Variants in SMG6 observed in about 807,000 individuals in gnomAD.
SMG6 encodes the protein telomerase-binding protein EST1A.
SMG6 carries 66 observed loss-of-function variants against 142.2 expected under a neutral mutation model. The observed-to-expected ratio is 0.46, with a 90% CI of 0.38 to 0.57. SMG6 has a LOEUF of 0.57. SMG6 is among the 20% of genes least tolerant of loss of function. The probability of loss-of-function intolerance (pLI) is 0.00; values close to 1 mark genes in which losing one functional copy is unlikely to be tolerated. For missense variants in SMG6, 1,793 were observed against 1,832.0 expected (o/e 0.98, Z 0.39); for synonymous variants, 779 against 702.4 (o/e 1.11, Z -1.72).
intron 8 of SMG6, among the ~76,000 whole-genome samples, chr17:2,269,830 A>G (rs1255602124): frequency 6.6e-6 from 1 of 152,202 alleles, no homozygotes; most frequent in Non-Finnish European, 1.5e-5. Context: ...CAGCCAGGTT[A>G]CAGAACATGC....
At chr17:2,216,085 C>A (rs968971355) in intron 10 of SMG6, 3 of 152,326 alleles carry the variant, frequency 2.0e-5, no homozygotes, top group Admixed American at 6.5e-5. Flanking sequence ...GCTACACTTT[C>A]TTTTAAAGAA....
chr17:2,114,906 AAAAATAAAATAAAATAAAAT>A (rs71375589), intron 13 of SMG6, among the ~76,000 whole-genome samples: 2 of 61,994 alleles, frequency 3.2e-5, no homozygotes, highest in African/African-American at 9.7e-5. Flanking sequence ...CAGCCTGGGC[AAAAATAAAATAAAATAAAAT>A]AAAATAAAAT....
chr17:2,213,666 A>T (rs1217527490), intron 10 of SMG6: 1 of 152,242 alleles, frequency 6.6e-6, no homozygotes, highest in Non-Finnish European at 1.5e-5. Flanking sequence ...GTTCTTGGAA[A>T]ACAAGGTTTC....
chr17:2,091,591 T>C (rs2068715925), intron 13 of SMG6, among the ~76,000 whole-genome samples: 1 of 150,684 alleles, frequency 6.6e-6, no homozygotes, highest in East Asian at 2.0e-4. Context: ...CAAACAGTAT[T>C]TCACTCTTTC....
intron 13 of SMG6, chr17:2,127,537 G>A: frequency 3.2e-6 from 2 of 620,228 alleles, no homozygotes; most frequent in Non-Finnish European, 3.1e-6. Flanking sequence ...TTTGGGGCCA[G>A]CATCCTCAGT....
At chr17:2,091,156 A>C (rs557294580) in intron 13 of SMG6, among the ~76,000 whole-genome samples, 1 of 152,364 alleles carries the variant, frequency 6.6e-6, no homozygotes, top group East Asian at 1.9e-4. Flanking sequence ...GTAGCAGCCA[A>C]GGGTGGGCCA....
At chr17:2,255,382 C>T (rs1241402796) in intron 8 of SMG6, among the ~76,000 whole-genome samples, 7 of 110,478 alleles carry the variant, frequency 6.3e-5, no homozygotes, top group Admixed American at 1.5e-4. Context: ...CCAGCCTGGG[C>T]GACAGAGCGA....
chr17:2,075,257 T>TA (rs1567576019), intron 15 of SMG6, among the ~76,000 whole-genome samples: 1 of 118,242 alleles, frequency 8.5e-6, no homozygotes, highest in African/African-American at 3.3e-5. Context: ...CAGCTAAATT[T>TA]AGAGTGGAAC....
At chr17:2,280,949 G>A (rs905601731) in intron 8 of SMG6, among the ~76,000 whole-genome samples, 47 of 152,278 alleles carry the variant, frequency 3.1e-4, no homozygotes, top group African/African-American at 1.1e-3. Context: ...GCATGTGCCT[G>A]TAGTCCTAGC....
At chr17:2,158,900 TAA>T (rs58337632) in intron 13 of SMG6, among the ~76,000 whole-genome samples, 11 of 127,254 alleles carry the variant, frequency 8.6e-5, no homozygotes, top group East Asian at 2.2e-4. Context: ...AGACTATGTT[TAA>T]AAAAAAAAAA....
At chr17:2,277,023 C>T (rs1229254736) in intron 8 of SMG6, among the ~76,000 whole-genome samples, 5 of 152,142 alleles carry the variant, frequency 3.3e-5, no homozygotes, top group African/African-American at 9.7e-5. Flanking sequence ...TCAAGTGATC[C>T]GCCTGCCTCA....
chr17:2,162,668 TAAATAAAC>T (rs2071218966), intron 13 of SMG6, among the ~76,000 whole-genome samples: 1 of 151,792 alleles, frequency 6.6e-6, no homozygotes, highest in Non-Finnish European at 1.5e-5. Context: ...CTGTCTCTAA[TAAATAAAC>T]AAATAACCAA....
At chr17:2,262,387 A>G (rs1400957112) in intron 8 of SMG6, among the ~76,000 whole-genome samples, 1 of 152,224 alleles carries the variant, frequency 6.6e-6, no homozygotes, top group Non-Finnish European at 1.5e-5. Context: ...ATCTATCTAC[A>G]TTGTGATGAA....
rs2074842867 is a variant in SMG6 at position 2,283,727 on chromosome 17, C to T, written c.2346G>A (p.Lys782=). 1.9e-6 allele frequency: 3 copies of T among 1,613,624 alleles called. No individual in the cohort carries two copies. Among genetic ancestry groups the T allele is most frequent in the African/African-American group, 1.3e-5 (1 of 74,906 alleles). ...LALLAVYTRR[K]LDAVYYYMRS... is the part of the protein sequence containing the mutation. ...GCATATAGTAATAGACAGCGTCAAG[C>T]TTCCTCCTCTGTGGAAAGAGGCCAG... Residue 782 remains lysine, a synonymous_variant, in exon 7 of 19, where the codon AAG becomes AAA. Transcript: ENST00000263073.
rs532839323 is a variant in SMG6, at chr17:2,291,705, T to A, written c.2337+847A>T. Among the ~76,000 whole-genome samples, 48 of 96,296 alleles carry A rather than the reference T, an allele frequency of 5.0e-4. 3 individuals carry two copies. The highest frequency in any genetic ancestry group is 3.9e-3 in the South Asian group (11 of 2,820). 63.2% of individuals were successfully genotyped at this position (96,296 alleles called of 152,430 possible). On this transcript the variant is annotated intron_variant, in intron 6 of 18. Transcript: ENST00000263073. ...CTGGGCAACAAAGCAATACCCCGTC[T>A]CTACAGAAAAATACTTGTCATCCGG...
chr17:2,290,999 AAAGCG>A (rs1490298924), intron 6 of SMG6, among the ~76,000 whole-genome samples: 1 of 152,304 alleles, frequency 6.6e-6, no homozygotes, highest in East Asian at 1.9e-4. Context: ...GCAGGGATGG[AAAGCG>A]TAAGTATCAG....
At chr17:2,129,762 C>G (rs1049193473) in intron 13 of SMG6, among the ~76,000 whole-genome samples, 2 of 124,060 alleles carry the variant, frequency 1.6e-5, no homozygotes, top group African/African-American at 6.2e-5. Context: ...CCACTGCACT[C>G]CAGCCTGGGT....
At chr17:2,150,868 CACTT>C (rs1398372133) in intron 13 of SMG6, among the ~76,000 whole-genome samples, 5 of 152,022 alleles carry the variant, frequency 3.3e-5, no homozygotes, top group African/African-American at 9.7e-5. Flanking sequence ...ACCCAGATCT[CACTT>C]GAGTGTGAAG....
At chr17:2,135,036 T>C (rs1299871609) in intron 13 of SMG6, among the ~76,000 whole-genome samples, 1 of 152,046 alleles carries the variant, frequency 6.6e-6, no homozygotes, top group Admixed American at 6.6e-5. Flanking sequence ...TGAGCCACCA[T>C]GCCTGGCTAA....
Sources: allele counts gnomAD v4.1 joint callset (sites outside exome capture counted in the v4.1 genomes callset), GRCh38; gene constraint gnomAD v4.1.1; transcripts MANE v1.5; gene names NCBI Gene and HGNC (gene_info 2026-07-23, HGNC 2026-07-21).